GEMIN8: variants seen among roughly 807,000 people sequenced by gnomAD.
GEMIN8 encodes gem nuclear organelle associated protein 8, also known as gem-associated protein 8.
For missense variants in GEMIN8, 185 were observed against 205.9 expected, an observed-to-expected ratio of 0.90 and a Z score of 0.62; for synonymous variants, 80 against 78.5, an observed-to-expected ratio of 1.02 and a Z score of -0.10.
intron 4 of GEMIN8, among the ~76,000 whole-genome samples, chrX:14,011,768 T>C (rs1923568526): frequency 9.0e-6 from 1 of 111,632 alleles, no homozygotes; most frequent in African/African-American, 3.3e-5. Flanking sequence ...GAATGAACAC[T>C]GAGATCTTAG....
chrX:14,015,350 A>G lies in GEMIN8; in HGVS notation c.472+4728T>C, dbSNP rs779027760. On this transcript the variant is annotated intron_variant, in intron 4 of 4. Coordinates refer to ENST00000680255, the MANE Select transcript of GEMIN8 (RefSeq NM_001042479.2). ...AAACACAGCTGACCTTTAAAACTTC[A>G]TAACTGTAAACTTTCTCATAAGTTA... 6.2e-5 allele frequency among the ~76,000 whole-genome samples: 7 copies of G among 112,893 alleles called. 1 individual carries two copies. In the South Asian group the frequency reaches 1.1e-3, roughly 17 times the overall value.
rs1292957869 is a variant in GEMIN8, at chrX:14,008,664, A to G, written c.*249T>C. 16 of 384,550 alleles carry G rather than the reference A, an allele frequency of 4.2e-5. No homozygotes were observed. In the Admixed American group the frequency reaches 7.8e-4, roughly 19 times the overall value. 31.7% of individuals were successfully genotyped at this position (384,550 alleles called of 1,213,427 possible). On this transcript the variant is annotated 3_prime_UTR_variant, in exon 5 of 5. Coordinates refer to ENST00000680255, the MANE Select transcript of GEMIN8 (RefSeq NM_001042479.2). Reference sequence around the variant, plus strand: ...TGAACTGTTACCAACAACATAAAAAACCAGTATAGTATATGCAAAATTATT... The same window carrying G: ...TGAACTGTTACCAACAACATAAAAAGCCAGTATAGTATATGCAAAATTATT...
chrX:14,012,859 G>A (rs181344195), intron 4 of GEMIN8, among the ~76,000 whole-genome samples: 1 of 109,400 alleles, frequency 9.1e-6, no homozygotes, highest in African/African-American at 3.3e-5. Context: ...AGGGGCTATG[G>A]GGGGGGGCAC....
chrX:14,025,336 A>T (rs1214863665), intron 2 of GEMIN8, among the ~76,000 whole-genome samples: 2 of 100,116 alleles, frequency 2.0e-5, no homozygotes, highest in East Asian at 6.1e-4. Flanking sequence ...TCTTTGCTTT[A>T]AAAAAAAAAA....
At chrX:14,021,366 G>A in intron 3 of GEMIN8, 98 bp downstream of exon 3, 1 of 505,784 alleles carries the variant, frequency 2.0e-6, no homozygotes, top group Non-Finnish European at 3.4e-6. Context: ...TGCCCGTTGT[G>A]CGCATGTACC....
the GEMIN8 span, among the ~76,000 whole-genome samples, chrX:13,992,191 C>A: frequency 8.9e-6 from 1 of 111,836 alleles, no homozygotes; most frequent in African/African-American, 3.2e-5. Flanking sequence ...TAATCCTTCA[C>A]AAACTTAAGA....
chrX:14,019,699 C>T (rs1924168415), intron 4 of GEMIN8, among the ~76,000 whole-genome samples: 1 of 111,835 alleles, frequency 8.9e-6, no homozygotes, highest in Non-Finnish European at 1.9e-5. Flanking sequence ...AGTCAATTAA[C>T]CTTTTTAAGG....
intron 2 of GEMIN8, among the ~76,000 whole-genome samples, chrX:14,023,483 G>T (rs1223565620): frequency 4.5e-5 from 5 of 110,004 alleles, no homozygotes; most frequent in Non-Finnish European, 9.5e-5. Context: ...AGGTTCAAGC[G>T]ATTCTCCTGC....
downstream of GEMIN8, among the ~76,000 whole-genome samples, chrX:14,005,593 G>A (rs745411035): frequency 2.0e-4 from 21 of 105,779 alleles, no homozygotes; most frequent in African/African-American, 7.4e-4. Flanking sequence ...AGTTCTGTGA[G>A]CCTTCCTAGG....
At chrX:14,028,944 G>A (rs1258704119) in intron 1 of GEMIN8, among the ~76,000 whole-genome samples, 4 of 112,198 alleles carry the variant, frequency 3.6e-5, no homozygotes, top group Non-Finnish European at 5.6e-5. Context: ...GAAGTGTTGC[G>A]TTACTAATCT....
At chrX:14,017,287 A>C (rs1924000839) in intron 4 of GEMIN8, among the ~76,000 whole-genome samples, 1 of 111,654 alleles carries the variant, frequency 9.0e-6, no homozygotes, top group African/African-American at 3.3e-5. Context: ...GCCAGCAATA[A>C]TATGAATACT....
At position 14,020,328 on chromosome X, in the gene GEMIN8, C is replaced by T. The variant is rs140266909; in HGVS notation, c.222G>A (p.Gln74=). The change falls in exon 4 of 5, where the codon CAG becomes CAA. Residue 74 remains glutamine (Q), a synonymous_variant. Transcript: ENST00000680255. ...SSYDNEAAYP[Q]SFYDHHVAWQ... ...AGGCCACATGATGGTCATAGAAGGA[C>T]TGAGGATACGCAGCCTCATTATCGT... The T allele has an allele frequency of 2.5e-6, 3 of 1,207,918 alleles. No individual in the cohort carries two copies. Among genetic ancestry groups the T allele is most frequent in the Non-Finnish European group, 3.4e-6 (3 of 891,938 alleles).
the GEMIN8 span, among the ~76,000 whole-genome samples, chrX:13,984,494 C>G: frequency 8.9e-6 from 1 of 112,188 alleles, no homozygotes; most frequent in Admixed American, 9.5e-5. Flanking sequence ...CATTTCTTTA[C>G]ATATTGTCTA....
chrX:14,023,004 G>A (rs1924465516), intron 2 of GEMIN8, among the ~76,000 whole-genome samples: 1 of 112,361 alleles, frequency 8.9e-6, no homozygotes, highest in African/African-American at 3.2e-5. Context: ...GTATTTCTAA[G>A]AGGGCTGACA....
chrX:13,998,077 C>CTT, the GEMIN8 span, among the ~76,000 whole-genome samples: 7 of 91,665 alleles, frequency 7.6e-5, no homozygotes, highest in East Asian at 6.6e-4. Flanking sequence ...ACCATTTTTG[C>CTT]TTTTTTTTTT....
intron 4 of GEMIN8, among the ~76,000 whole-genome samples, chrX:14,015,577 T>C (rs1009709146): frequency 1.8e-5 from 2 of 112,259 alleles, no homozygotes; most frequent in African/African-American, 6.5e-5. Context: ...CTGTCCAATC[T>C]GAAGGCCTTT....
chrX:14,013,194 G>C (rs1216065243), intron 4 of GEMIN8, among the ~76,000 whole-genome samples: 3 of 111,720 alleles, frequency 2.7e-5, no homozygotes, highest in Admixed American at 9.5e-5. Flanking sequence ...TTTCCTTGCT[G>C]TCAAAACAAG....
chrX:14,023,524 C>T (rs747149884), intron 2 of GEMIN8, among the ~76,000 whole-genome samples: 6 of 110,821 alleles, frequency 5.4e-5, no homozygotes, highest in South Asian at 3.9e-4. Context: ...GGATTACAGG[C>T]GCGTGGCACC....
the GEMIN8 span, among the ~76,000 whole-genome samples, chrX:14,000,349 C>T: frequency 1.8e-5 from 2 of 110,833 alleles, no homozygotes; most frequent in East Asian, 5.7e-4. Context: ...GTAATCCCAG[C>T]ACTTTGGGAG....
Sources: gnomAD v4.1 joint callset for allele counts (sites outside exome capture counted in the v4.1 genomes callset) on GRCh38, gnomAD v4.1.1 for gene constraint, MANE v1.5 for transcripts, NCBI Gene and HGNC (gene_info 2026-07-23, HGNC 2026-07-21) for gene names.